ENTREP2: variants seen among roughly 807,000 people sequenced by gnomAD.
ENTREP2 encodes the protein protein ENTREP2.
At chr15:29,270,602 C>A in the ENTREP2 span, among the ~76,000 whole-genome samples, 1 of 152,060 alleles carries the variant, frequency 6.6e-6, no homozygotes, top group Admixed American at 6.6e-5. Context: ...TCAAGAATTG[C>A]AATAATGTGG....
At chr15:29,160,200 T>G in the ENTREP2 span, among the ~76,000 whole-genome samples, 4 of 152,200 alleles carry the variant, frequency 2.6e-5, no homozygotes, top group African/African-American at 2.4e-5. Flanking sequence ...CACGCCCACT[T>G]GGAACTCCTG....
chr15:29,357,962 G>A, the ENTREP2 span, among the ~76,000 whole-genome samples: 1 of 152,032 alleles, frequency 6.6e-6, no homozygotes, highest in Non-Finnish European at 1.5e-5. Context: ...CTCAAGGCAT[G>A]CCATGAAGAA....
chr15:29,330,726 T>C, the ENTREP2 span, among the ~76,000 whole-genome samples: 1 of 152,280 alleles, frequency 6.6e-6, no homozygotes, highest in Admixed American at 6.5e-5. Context: ...TAAGGAAATA[T>C]GAATAACCAT....
At chr15:29,275,356 G>T in the ENTREP2 span, among the ~76,000 whole-genome samples, 1 of 152,190 alleles carries the variant, frequency 6.6e-6, no homozygotes, top group African/African-American at 2.4e-5. Context: ...TATTTTCAAT[G>T]AAGTTTAACT....
chr15:29,355,876 C>A, the ENTREP2 span, among the ~76,000 whole-genome samples: 3 of 151,922 alleles, frequency 2.0e-5, no homozygotes, highest in African/African-American at 7.3e-5. Flanking sequence ...AGGGGTCCCA[C>A]GAAGAGGAGG....
chr15:29,195,167 C>T, the ENTREP2 span: 7 of 985,268 alleles, frequency 7.1e-6, no homozygotes, highest in Non-Finnish European at 8.4e-6. Flanking sequence ...TCCTCCAACC[C>T]CGCTGCATCT....
chr15:29,159,862 C>G, the ENTREP2 span, among the ~76,000 whole-genome samples: 1 of 152,270 alleles, frequency 6.6e-6, no homozygotes, highest in Non-Finnish European at 1.5e-5. Context: ...AGGAGCCCAG[C>G]TGGCTTCACC....
chr15:29,291,084 C>A, the ENTREP2 span, among the ~76,000 whole-genome samples: 118 of 152,292 alleles, frequency 7.7e-4, no homozygotes, highest in African/African-American at 2.7e-3. Flanking sequence ...GTGCCTCCCC[C>A]ATCCCTTTCT....
the ENTREP2 span, among the ~76,000 whole-genome samples, chr15:29,260,029 T>A: frequency 6.6e-6 from 1 of 152,090 alleles, no homozygotes; most frequent in Admixed American, 6.6e-5. Flanking sequence ...CAAAAGTGAT[T>A]CAAGACAAAA....
chr15:29,389,468 T>C, the ENTREP2 span, among the ~76,000 whole-genome samples: 1 of 151,830 alleles, frequency 6.6e-6, no homozygotes, highest in African/African-American at 2.4e-5. Context: ...CACCAATGCT[T>C]GAGCGCTTGG....
At chr15:29,280,758 C>G in the ENTREP2 span, among the ~76,000 whole-genome samples, 1 of 152,198 alleles carries the variant, frequency 6.6e-6, no homozygotes, top group Admixed American at 6.5e-5. Context: ...AAGGCGTTTC[C>G]TCAAAATGCA....
the ENTREP2 span, among the ~76,000 whole-genome samples, chr15:29,594,176 G>T: frequency 6.6e-6 from 1 of 152,130 alleles, no homozygotes; most frequent in East Asian, 1.9e-4. Flanking sequence ...AGCGCAACAG[G>T]CTGTATCTCT....
At chr15:29,237,407 G>C in the ENTREP2 span, among the ~76,000 whole-genome samples, 53 of 152,156 alleles carry the variant, frequency 3.5e-4, no homozygotes, top group African/African-American at 1.2e-3. Flanking sequence ...TCTTTGCCTA[G>C]CACTAGATAC....
the ENTREP2 span, among the ~76,000 whole-genome samples, chr15:29,551,136 G>T: frequency 6.6e-6 from 1 of 152,184 alleles, no homozygotes; most frequent in African/African-American, 2.4e-5. Flanking sequence ...ACAACTGGAA[G>T]ATCTCCCATA....
chr15:29,194,069 C>T, the ENTREP2 span, among the ~76,000 whole-genome samples: 1 of 152,196 alleles, frequency 6.6e-6, no homozygotes, highest in East Asian at 1.9e-4. Context: ...CATGCAATCT[C>T]AATTAAAATC....
chr15:29,601,676 C>CT, the ENTREP2 span, among the ~76,000 whole-genome samples: 1 of 152,180 alleles, frequency 6.6e-6, no homozygotes, highest in Non-Finnish European at 1.5e-5. Context: ...TCACTTCCAT[C>CT]TTTAACACTT....
chr15:29,206,993 C>T, the ENTREP2 span, among the ~76,000 whole-genome samples: 1 of 152,164 alleles, frequency 6.6e-6, no homozygotes. Flanking sequence ...TCAGGGCCAA[C>T]ATAGACATGC....
the ENTREP2 span, among the ~76,000 whole-genome samples, chr15:29,413,166 TTACTC>T: frequency 2.6e-5 from 4 of 152,166 alleles, no homozygotes; most frequent in African/African-American, 7.2e-5. Flanking sequence ...GTTTTGATAT[TTACTC>T]TACAAACTAA....
At chr15:29,221,281 A>C in the ENTREP2 span, among the ~76,000 whole-genome samples, 1 of 151,502 alleles carries the variant, frequency 6.6e-6, no homozygotes, top group African/African-American at 2.4e-5. Context: ...GGCTCACTGC[A>C]ACCTCTGCCT....
Sources: gnomAD v4.1 joint callset for allele counts (sites outside exome capture counted in the v4.1 genomes callset) on GRCh38, gnomAD v4.1.1 for gene constraint, MANE v1.5 for transcripts, NCBI Gene and HGNC (gene_info 2026-07-23, HGNC 2026-07-21) for gene names.